Variants in MRPL10 observed in about 807,000 individuals in gnomAD.
MRPL10 encodes the protein mitochondrial ribosomal protein L10.
MRPL10 carries 14 observed loss-of-function variants against 19.8 expected under a neutral mutation model. That is an observed-to-expected ratio of 0.71 (90% confidence interval 0.47 to 1.11). The LOEUF (loss-of-function observed/expected upper bound fraction) is 1.11. Ranked by LOEUF, MRPL10 falls within the 50% of genes least tolerant of loss-of-function variation. MRPL10 has a pLI of 0.00. For missense variants in MRPL10, 318 were observed against 339.6 expected (o/e 0.94, Z 0.50); for synonymous variants, 129 against 139.2 (o/e 0.93, Z 0.52).
At position 47,824,052 on chromosome 17, in the gene MRPL10, T is replaced by TC. The variant is rs2033486800; in HGVS notation, c.*152dup. On this transcript the variant is annotated 3_prime_UTR_variant, in exon 5 of 5. Transcript: ENST00000351111. ...CATCTGAAATGGAATCCTCTGCATC[T>TC]CCAAGTGGCCCTATACCTGACAATA... The TC allele has an allele frequency of 4.4e-6, 4 of 913,462 alleles. No individual in the cohort carries two copies. Among genetic ancestry groups the TC allele is most frequent in the Non-Finnish European group, 6.6e-6 (4 of 603,894 alleles). 56.6% of individuals were successfully genotyped at this position (913,462 alleles called of 1,614,324 possible).
rs2033477491 is a variant in MRPL10 at position 47,823,604 on chromosome 17, G to T, written c.*601C>A. 1 of 154,532 alleles carries T rather than the reference G, an allele frequency of 6.5e-6. No individual in the cohort carries two copies. 9.6% of individuals were successfully genotyped at this position (154,532 alleles called of 1,614,324 possible). A position where few individuals can be genotyped will look rare whatever the true frequency, so the allele number is the denominator to read the frequency against. On this transcript the variant is annotated 3_prime_UTR_variant, in exon 5 of 5. Transcript: ENST00000351111. ...AACCTGATGAGGAAGCTCTAGTGAAGAAATTCAGGACGCGGTCTTCAGAGC... is the reference window on the plus strand; with the variant it reads ...AACCTGATGAGGAAGCTCTAGTGAATAAATTCAGGACGCGGTCTTCAGAGC...
At chr17:47,828,734 G>A in intron 1 of MRPL10, 64 bp from the exon 2 acceptor site, 2 of 1,372,058 alleles carry the variant, frequency 1.5e-6, no homozygotes, top group South Asian at 1.5e-5. Context: ...TATCCCAAAT[G>A]GAGAAAAAAC....
chr17:47,831,481 C>T lies in MRPL10; in HGVS notation c.31G>A (p.Gly11Arg), dbSNP rs773720938. ...TTACCCGCCTGGGGCAGGAGACCCCCTCGCAGCATCCCCGCCACGGCCGCA... is the reference window on the plus strand; with the variant it reads ...TTACCCGCCTGGGGCAGGAGACCCCTTCGCAGCATCCCCGCCACGGCCGCA... MAAAVAGMLRGGLLPQAGRLP... is the reference protein window; with the variant it reads MAAAVAGMLRRGLLPQAGRLP... The change falls in exon 1 of 5, where the codon GGG (glycine) becomes AGG (arginine). Residue 11 changes from glycine (G) to arginine (R), a missense_variant. Coordinates refer to ENST00000351111, the MANE Select transcript of MRPL10 (RefSeq NM_145255.4). The T allele has an allele frequency of 2.1e-5, 33 of 1,548,980 alleles. 1 individual carries two copies. The African/African-American group carries it at 2.7e-4, about 13-fold the overall frequency.
At chr17:47,827,912 A>AAAAT (rs1350484506) in intron 2 of MRPL10, among the ~76,000 whole-genome samples, 1 of 147,176 alleles carries the variant, frequency 6.8e-6, no homozygotes, top group Non-Finnish European at 1.5e-5. Flanking sequence ...AAAAAAAAAA[A>AAAAT]AAAAAAAAAT....
At chr17:47,831,368 G>T in intron 1 of MRPL10, 92 bp downstream of exon 1, 1 of 1,542,242 alleles carries the variant, frequency 6.5e-7, no homozygotes. Context: ...GCTGGGGTCA[G>T]AGATTATGGG....
At chr17:47,831,223 G>A (rs1413807974) in intron 1 of MRPL10, 3 of 1,059,898 alleles carry the variant, frequency 2.8e-6, no homozygotes, top group African/African-American at 3.3e-5. Flanking sequence ...TTAAGATGGA[G>A]ACATAATGCA....
rs1401513360 is a variant in MRPL10 at position 47,828,544 on chromosome 17, A to ATGGCTGGT, written c.171_178dup (p.Ile60AsnfsTer20). 6.8e-7 allele frequency: 1 copy of ATGGCTGGT among 1,479,050 alleles called. No homozygotes were observed. Among genetic ancestry groups the ATGGCTGGT allele is most frequent in the African/African-American group, 1.5e-5 (1 of 67,804 alleles). The allele number at this position is 1,479,050 out of a possible 1,614,324, so 91.6% of individuals were successfully genotyped here. A position where few individuals can be genotyped will look rare whatever the true frequency, so the allele number is the denominator to read the frequency against. ...AGGAGATGGCAGGCATGATGGGTGG[A>ATGGCTGGT]TGGCTGGTTTCGGGGGGATATATTC... is the stretch of plus-strand genomic sequence containing the variant. On this transcript the variant is annotated frameshift_variant, in exon 2 of 5. Coordinates refer to ENST00000351111, the MANE Select transcript of MRPL10 (RefSeq NM_145255.4). LOFTEE classifies it high-confidence loss of function.
At chr17:47,828,956 T>C (rs1270951218) in intron 1 of MRPL10, among the ~76,000 whole-genome samples, 2 of 152,078 alleles carry the variant, frequency 1.3e-5, no homozygotes, top group Non-Finnish European at 2.9e-5. Flanking sequence ...GGAGAAAATA[T>C]TTTGAACACA....
Position 47,828,608 on chromosome 17 carries a change from C to A in MRPL10, c.115G>T (p.Val39Leu). ...AGCTTCTGCCGCTGAAAGTGCATCA[C>A]ACGACGGTGGCGGGTAACAGCCTTG... ...GSKAVTRHRR[V>L]MHFQRQKLMA... The change falls in exon 2 of 5, where the codon GTG (valine) becomes TTG (leucine). Residue 39 changes from valine (V) to leucine (L), a missense_variant. Transcript: ENST00000351111. The A allele has an allele frequency of 1.3e-6, 2 of 1,524,876 alleles. No individual in the cohort carries two copies. The highest frequency in any genetic ancestry group is 2.6e-5 in the South Asian group (2 of 76,438). The allele number at this position is 1,524,876 out of a possible 1,614,324, so 94.5% of individuals were successfully genotyped here.
intron 2 of MRPL10, chr17:47,828,247 C>T: frequency 2.8e-6 from 1 of 351,096 alleles, no homozygotes; most frequent in Non-Finnish European, 5.1e-6. Context: ...CCCAGCCCCA[C>T]CTGCTAGGGT....
At chr17:47,829,869 C>T (rs1189914252) in intron 1 of MRPL10, among the ~76,000 whole-genome samples, 1 of 151,356 alleles carries the variant, frequency 6.6e-6, no homozygotes, top group Non-Finnish European at 1.5e-5. Flanking sequence ...GGCACTCCGG[C>T]CTGGGTGACA....
intron 1 of MRPL10, among the ~76,000 whole-genome samples, chr17:47,830,930 A>G (rs189458061): frequency 8.7e-4 from 132 of 152,346 alleles, no homozygotes; most frequent in African/African-American, 3.0e-3. Context: ...AGGGTGCTTT[A>G]GATTTAAATG....
chr17:47,826,590 C>A, intron 4 of MRPL10, 47 bp downstream of exon 4: 3 of 1,606,226 alleles, frequency 1.9e-6, no homozygotes, highest in Non-Finnish European at 1.7e-6. Context: ...CAGATGGCAG[C>A]AGGCCCCTCT....
chr17:47,829,920 G>T (rs2033599647), intron 1 of MRPL10, among the ~76,000 whole-genome samples: 1 of 151,790 alleles, frequency 6.6e-6, no homozygotes, highest in Non-Finnish European at 1.5e-5. Flanking sequence ...AAGAAAGAAA[G>T]AAAAATAAAC....
At position 47,830,671 on chromosome 17, in the gene MRPL10, C is replaced by A. The variant is rs144223720; in HGVS notation, c.52+789G>T. The stretch of plus-strand genomic sequence containing the variant: ...CAGGCACGCGCCACCACACCCGGCT[C>A]ATTTTTGTATTTTTAGTAGAGTTGG... On this transcript the variant is annotated intron_variant, in intron 1 of 4. Transcript: ENST00000351111. Among the ~76,000 whole-genome samples, 256 of 152,160 alleles carry A rather than the reference C, an allele frequency of 1.7e-3. 2 individuals are homozygous for A. The highest frequency in any genetic ancestry group is 5.6e-3 in the African/African-American group (234 of 41,496).
At chr17:47,830,830 C>T (rs1358062115) in intron 1 of MRPL10, among the ~76,000 whole-genome samples, 1 of 152,142 alleles carries the variant, frequency 6.6e-6, no homozygotes, top group Non-Finnish European at 1.5e-5. Context: ...ATCTCTCTTC[C>T]GCCAATTACT....
chr17:47,825,860 C>T (rs1353358158), intron 4 of MRPL10, among the ~76,000 whole-genome samples: 2 of 151,992 alleles, frequency 1.3e-5, no homozygotes, highest in Non-Finnish European at 2.9e-5. Context: ...CACAGATTCA[C>T]CAGGAGCGGT....
chr17:47,826,082 G>C (rs1218109387), intron 4 of MRPL10, among the ~76,000 whole-genome samples: 1 of 150,262 alleles, frequency 6.7e-6, no homozygotes, highest in Non-Finnish European at 1.5e-5. Flanking sequence ...AGGAGACAGA[G>C]GTTGCAGTGA....
intron 2 of MRPL10, 117 bp from the exon 3 acceptor site, chr17:47,827,321 G>A: frequency 2.6e-6 from 2 of 780,262 alleles, no homozygotes; most frequent in Non-Finnish European, 4.0e-6. Flanking sequence ...AAAAGATCGG[G>A]GAACAAGTAG....
Sources: gnomAD v4.1 joint callset for allele counts (sites outside exome capture counted in the v4.1 genomes callset) on GRCh38, gnomAD v4.1.1 for gene constraint, MANE v1.5 for transcripts, NCBI Gene and HGNC (gene_info 2026-07-23, HGNC 2026-07-21) for gene names.